GALNT9: variants seen among roughly 807,000 people sequenced by gnomAD.
GALNT9 encodes GalNAc transferase 9.
In GALNT9, 47 loss-of-function variants were observed where a neutral mutation model predicts 63.1. The ratio of observed to expected loss-of-function variants is 0.75; its 90% CI spans 0.59 to 0.95. The LOEUF (loss-of-function observed/expected upper bound fraction) is 0.95, where lower values mean the gene tolerates loss of function less well. Among genes scored for constraint, GALNT9 ranks in the 40% least tolerant of loss-of-function variants. GALNT9 has a pLI of 0.00. For missense variants in GALNT9, 829 were observed against 874.8 expected (o/e 0.95, Z 0.66); for synonymous variants, 396 against 365.7 (o/e 1.08, Z -0.94).
intron 6 of GALNT9, among the ~76,000 whole-genome samples, chr12:132,205,107 T>A (rs1876574429): frequency 6.6e-6 from 1 of 152,090 alleles, no homozygotes; most frequent in Non-Finnish European, 1.5e-5. Flanking sequence ...CTCTGGTTCA[T>A]CCTCGTCCAG....
intron 1 of GALNT9, among the ~76,000 whole-genome samples, chr12:132,290,590 T>G (rs537645768): frequency 1.5e-5 from 2 of 136,342 alleles, no homozygotes; most frequent in Admixed American, 7.2e-5. Context: ...AGCGCCCACA[T>G]CCACAGCACC....
intron 6 of GALNT9, among the ~76,000 whole-genome samples, chr12:132,216,123 CAG>C (rs1181864581): frequency 6.8e-5 from 10 of 147,800 alleles, no homozygotes; most frequent in African/African-American, 2.2e-4. Flanking sequence ...GACACAGAAA[CAG>C]AGACAGAAAG....
At chr12:132,262,970 G>A (rs556545969) in intron 2 of GALNT9, among the ~76,000 whole-genome samples, 10 of 152,182 alleles carry the variant, frequency 6.6e-5, no homozygotes, top group African/African-American at 9.7e-5. Flanking sequence ...CATGGCCCCT[G>A]TGCCCACCCC....
intron 6 of GALNT9, among the ~76,000 whole-genome samples, chr12:132,208,034 A>G (rs969177513): frequency 1.3e-5 from 2 of 152,120 alleles, no homozygotes; most frequent in South Asian, 4.2e-4. Flanking sequence ...GAAGCCAGGG[A>G]CCAGTATATC....
At position 132,215,170 on chromosome 12, in the gene GALNT9, G is replaced by C. The variant is rs373002769; in HGVS notation, c.1078-11480C>G. Among the ~76,000 whole-genome samples, 684 of 152,262 alleles carry C rather than the reference G, an allele frequency of 4.5e-3. 3 individuals carry two copies. The highest frequency in any genetic ancestry group is 0.015 in the African/African-American group (612 of 41,562). On this transcript the variant is annotated intron_variant, in intron 6 of 10. Transcript: ENST00000328957. ...CTCTGGGTGGCTTTGTGGCCGCTTC[G>C]GCAGAACAGACACAGGTTTCATCGG...
At chr12:132,240,689 G>C (rs2136899203) in intron 6 of GALNT9, 3 of 455,872 alleles carry the variant, frequency 6.6e-6, no homozygotes, top group South Asian at 3.1e-5. Flanking sequence ...CTTTTATTCT[G>C]TTTATAATTT....
intron 6 of GALNT9, among the ~76,000 whole-genome samples, chr12:132,235,637 C>G (rs1877974636): frequency 2.0e-5 from 3 of 152,152 alleles, no homozygotes; most frequent in Non-Finnish European, 4.4e-5. Flanking sequence ...AGTTGCTCAG[C>G]CCCCAGCGGC....
At chr12:132,299,080 G>T (rs550451550) in intron 1 of GALNT9, among the ~76,000 whole-genome samples, 3 of 85,434 alleles carry the variant, frequency 3.5e-5, no homozygotes, top group Non-Finnish European at 6.9e-5. Context: ...TAACCCACCC[G>T]AGATAACCAA....
At chr12:132,268,245 A>G (rs1879728925) in intron 2 of GALNT9, among the ~76,000 whole-genome samples, 1 of 151,518 alleles carries the variant, frequency 6.6e-6, no homozygotes, top group Non-Finnish European at 1.5e-5. Flanking sequence ...CCACACATAC[A>G]CTCACACATG....
chr12:132,277,428 C>T (rs938775211), intron 2 of GALNT9: 3 of 154,938 alleles, frequency 1.9e-5, no homozygotes, highest in Non-Finnish European at 4.4e-5. Context: ...CGGCCTCCAG[C>T]GTGTGGCTTC....
At chr12:132,271,489 A>T (rs1317770476) in intron 2 of GALNT9, among the ~76,000 whole-genome samples, 2 of 152,226 alleles carry the variant, frequency 1.3e-5, no homozygotes, top group Non-Finnish European at 2.9e-5. Flanking sequence ...AAGCCAGGAC[A>T]GATCCACCAA....
At chr12:132,293,158 C>A (rs1555242938) in intron 1 of GALNT9, among the ~76,000 whole-genome samples, 1 of 152,124 alleles carries the variant, frequency 6.6e-6, no homozygotes. Flanking sequence ...CGCAAGGGGA[C>A]TGAGTGGGGG....
At chr12:132,260,882 G>A in intron 4 of GALNT9, 66 bp downstream of exon 4, 1 of 1,452,742 alleles carries the variant, frequency 6.9e-7, no homozygotes, top group Non-Finnish European at 9.0e-7. Flanking sequence ...CCGCACGGCG[G>A]CTTAGGAGGG....
intron 1 of GALNT9, among the ~76,000 whole-genome samples, chr12:132,322,266 T>C (rs1387902661): frequency 6.6e-6 from 1 of 152,228 alleles, no homozygotes; most frequent in African/African-American, 2.4e-5. Flanking sequence ...ATCTGGACCA[T>C]GCAACTTACT....
chr12:132,227,819 G>A (rs1877753577), intron 6 of GALNT9, among the ~76,000 whole-genome samples: 3 of 152,062 alleles, frequency 2.0e-5, no homozygotes, highest in South Asian at 2.1e-4. Flanking sequence ...AGGCAACGTG[G>A]AGGGGTCTTC....
In GALNT9 at chr12:132,304,259, ACCCGGGCACACCCTCG is replaced by A. The variant is rs1162513229; in HGVS notation, c.239-17845_239-17830del. ...CACACCCTCACCCAGACACACCCTC[ACCCGGGCACACCCTCG>A]CCCGGGCACACCCTCGCCCGGACAC... On this transcript the variant is annotated intron_variant, in intron 1 of 10. Coordinates refer to ENST00000328957, the MANE Select transcript of GALNT9 (RefSeq NM_001122636.2). Among the ~76,000 whole-genome samples the A allele has an allele frequency of 2.6e-4, 8 of 31,318 alleles. 1 individual carries two copies. Among genetic ancestry groups the A allele is most frequent in the African/African-American group, 4.7e-4 (4 of 8,602 alleles). The allele number at this position is 31,318 out of a possible 152,430, so 20.5% of individuals were successfully genotyped here. A position where few individuals can be genotyped will look rare whatever the true frequency, so the allele number is the denominator to read the frequency against.
intron 4 of GALNT9, among the ~76,000 whole-genome samples, chr12:132,258,531 C>T (rs1041858402): frequency 6.6e-5 from 10 of 152,294 alleles, no homozygotes; most frequent in African/African-American, 1.9e-4. Flanking sequence ...GTAGAGGGGG[C>T]TCACAGTTTT....
At chr12:132,266,239 T>A (rs1240709033) in intron 2 of GALNT9, among the ~76,000 whole-genome samples, 4 of 152,228 alleles carry the variant, frequency 2.6e-5, no homozygotes, top group African/African-American at 9.6e-5. Flanking sequence ...CCATATTTCA[T>A]GAATGTGCAT....
chr12:132,227,314 G>T (rs956153098), intron 6 of GALNT9, among the ~76,000 whole-genome samples: 1 of 152,114 alleles, frequency 6.6e-6, no homozygotes, highest in African/African-American at 2.4e-5. Flanking sequence ...CCCCGAACGC[G>T]TGTGGGGAAG....
Sources: allele counts gnomAD v4.1 joint callset (sites outside exome capture counted in the v4.1 genomes callset), GRCh38; gene constraint gnomAD v4.1.1; transcripts MANE v1.5; gene names NCBI Gene and HGNC (gene_info 2026-07-23, HGNC 2026-07-21).